The following NALF1 variants were observed in gnomAD, a reference collection of about 807,000 sequenced individuals.
NALF1 encodes NALCN channel auxiliary factor 1, also known as family with sequence similarity 155 member A.
Under a neutral mutation model 48.4 loss-of-function variants are expected in NALF1, and 3 were observed. The ratio of observed to expected loss-of-function variants is 0.06; its 90% CI spans 0.03 to 0.16. The LOEUF is 0.16. NALF1 is among the 10% of genes least tolerant of loss of function. NALF1 has a pLI of 1.00. For missense variants in NALF1, 526 were observed against 571.5 expected, an observed-to-expected ratio of 0.92 and a Z score of 0.81; for synonymous variants, 262 against 245.7, an observed-to-expected ratio of 1.07 and a Z score of -0.62.
intron 1 of NALF1, among the ~76,000 whole-genome samples, chr13:107,432,668 T>G (rs1884401849): frequency 6.6e-6 from 1 of 152,108 alleles, no homozygotes; most frequent in African/African-American, 2.4e-5. Flanking sequence ...GCTCCAAAAT[T>G]TTATGATGTC....
rs1362679701 is a variant in NALF1, at chr13:107,169,551, A to G, written c.*946T>C. On this transcript the variant is annotated 3_prime_UTR_variant, in exon 3 of 3. Transcript: ENST00000375915. ...CTCACTCCCCGCATCCTGATTCTAG[A>G]TAGCTGCTCCTGTCCAACTGGACCA... The G allele has an allele frequency of 2.0e-5, 3 of 152,196 alleles. No individual in the cohort carries two copies. The highest frequency in any genetic ancestry group is 6.5e-5 in the Admixed American group (1 of 15,280). 9.4% of individuals were successfully genotyped at this position (152,196 alleles called of 1,614,324 possible).
intron 1 of NALF1, among the ~76,000 whole-genome samples, chr13:107,298,903 A>G (rs1881780104): frequency 6.6e-6 from 1 of 152,078 alleles, no homozygotes; most frequent in Non-Finnish European, 1.5e-5. Context: ...TTTGTGTAAC[A>G]CTCTTAAATC....
In NALF1 at chr13:107,704,645, T is replaced by TA. The variant is rs58514230; in HGVS notation, c.915+161036dup. On this transcript the variant is annotated intron_variant, in intron 1 of 2. Transcript: ENST00000375915. ...TTGTTTGGGATTATTGGGTTTATCC[T>TA]AAAAAAAATCCTATAATCTCCAGCT... is the stretch of plus-strand genomic sequence containing the variant. 0.028 allele frequency among the ~76,000 whole-genome samples: 4,282 copies of TA among 152,068 alleles called. 356 individuals are homozygous for TA. The East Asian group carries it at 0.32, about 11-fold the overall frequency.
intron 1 of NALF1, among the ~76,000 whole-genome samples, chr13:107,318,521 A>G (rs1882193215): frequency 6.6e-6 from 1 of 152,148 alleles, no homozygotes; most frequent in African/African-American, 2.4e-5. Context: ...ATGGGAATTT[A>G]GATTTCTACA....
At chr13:107,739,604 A>C (rs2138542960) in intron 1 of NALF1, among the ~76,000 whole-genome samples, 1 of 152,182 alleles carries the variant, frequency 6.6e-6, no homozygotes, top group Admixed American at 6.5e-5. Context: ...TACACGGACT[A>C]ATGCCATCCC....
intron 2 of NALF1, among the ~76,000 whole-genome samples, chr13:107,202,619 TTTTC>T (rs1324644168): frequency 6.6e-6 from 1 of 151,826 alleles, no homozygotes; most frequent in Non-Finnish European, 1.5e-5. Context: ...GACAGTCTTC[TTTTC>T]TTTATTTAAC....
intron 1 of NALF1, among the ~76,000 whole-genome samples, chr13:107,662,554 T>C (rs1880758701): frequency 6.6e-6 from 1 of 152,314 alleles, no homozygotes; most frequent in African/African-American, 2.4e-5. Context: ...TGGAGTTGTA[T>C]TGTTTTTAGC....
At chr13:107,400,166 G>C (rs1237110811) in intron 1 of NALF1, among the ~76,000 whole-genome samples, 1 of 152,032 alleles carries the variant, frequency 6.6e-6, no homozygotes, top group Non-Finnish European at 1.5e-5. Context: ...TTAGCATTTA[G>C]AATGCAATCA....
chr13:107,804,442 G>T lies in NALF1; in HGVS notation c.915+61240C>A, dbSNP rs990407536. On this transcript the variant is annotated intron_variant, in intron 1 of 2. Transcript: ENST00000375915. ...TCTCTGAGAACTTTCTCTGGTCTCTGCCACTATAAACATGTGTCCTATCCT... is the reference window on the plus strand; with the variant it reads ...TCTCTGAGAACTTTCTCTGGTCTCTTCCACTATAAACATGTGTCCTATCCT... 1.3e-4 allele frequency among the ~76,000 whole-genome samples: 19 copies of T among 149,228 alleles called. 1 individual carries two copies. Among genetic ancestry groups the T allele is most frequent in the African/African-American group, 4.8e-4 (19 of 39,978 alleles).
chr13:107,197,660 C>T (rs1879422073), intron 2 of NALF1, among the ~76,000 whole-genome samples: 1 of 152,330 alleles, frequency 6.6e-6, no homozygotes, highest in Non-Finnish European at 1.5e-5. Flanking sequence ...TGGCACTCAC[C>T]TGCTGGAGTG....
intron 1 of NALF1, among the ~76,000 whole-genome samples, chr13:107,270,217 A>G (rs547574255): frequency 6.6e-6 from 1 of 152,236 alleles, no homozygotes; most frequent in South Asian, 2.1e-4. Flanking sequence ...TTTATTTTCT[A>G]TGTCAAACTT....
intron 1 of NALF1, among the ~76,000 whole-genome samples, chr13:107,354,321 G>T (rs564828830): frequency 1.3e-5 from 2 of 152,160 alleles, no homozygotes; most frequent in East Asian, 1.9e-4. Context: ...GGGGACCCTG[G>T]GCCATGCAGG....
chr13:107,577,180 C>T (rs548822988), intron 1 of NALF1, among the ~76,000 whole-genome samples: 7 of 152,180 alleles, frequency 4.6e-5, no homozygotes, highest in South Asian at 2.1e-4. Flanking sequence ...AGGTAGAAGG[C>T]GAAACTAACT....
intron 1 of NALF1, among the ~76,000 whole-genome samples, chr13:107,734,905 C>T (rs534382584): frequency 1.3e-5 from 2 of 152,218 alleles, no homozygotes; most frequent in South Asian, 2.1e-4. Flanking sequence ...TCCAGCCCCA[C>T]GTTTAGACAT....
chr13:107,759,669 C>T (rs1470643609), intron 1 of NALF1, among the ~76,000 whole-genome samples: 1 of 152,188 alleles, frequency 6.6e-6, no homozygotes, highest in Non-Finnish European at 1.5e-5. Context: ...TCTGTGTTCT[C>T]CCCTTACCTT....
chr13:107,375,380 G>A (rs112964558), intron 1 of NALF1, among the ~76,000 whole-genome samples: 42 of 152,012 alleles, frequency 2.8e-4, no homozygotes, highest in African/African-American at 4.1e-4. Flanking sequence ...TCATGTTCTC[G>A]AAGAGACTCT....
intron 1 of NALF1, among the ~76,000 whole-genome samples, chr13:107,492,115 A>G (rs1252763603): frequency 6.9e-6 from 1 of 145,768 alleles, no homozygotes; most frequent in Non-Finnish European, 1.5e-5. Flanking sequence ...CAGTGGCACA[A>G]TCTCGGCTCA....
intron 1 of NALF1, among the ~76,000 whole-genome samples, chr13:107,843,537 C>T (rs751859659): frequency 7.9e-5 from 12 of 152,292 alleles, no homozygotes; most frequent in Non-Finnish European, 1.8e-4. Context: ...CTCAGCCCCA[C>T]CCCAGACCTG....
chr13:107,830,003 C>A (rs767351826), intron 1 of NALF1, among the ~76,000 whole-genome samples: 7 of 152,198 alleles, frequency 4.6e-5, no homozygotes, highest in Non-Finnish European at 1.0e-4. Context: ...AACCCTAACT[C>A]ACAACCCTAA....
Sources: gnomAD v4.1 joint callset for allele counts (sites outside exome capture counted in the v4.1 genomes callset) on GRCh38, gnomAD v4.1.1 for gene constraint, MANE v1.5 for transcripts, NCBI Gene and HGNC (gene_info 2026-07-23, HGNC 2026-07-21) for gene names.